The following FAM227B variants were observed in gnomAD, a reference collection of about 807,000 sequenced individuals.
FAM227B encodes the protein family with sequence similarity 227 member B, also known as protein FAM227B.
In FAM227B, 88 loss-of-function variants were observed where a neutral mutation model predicts 73.8. That is an observed-to-expected ratio of 1.19 (90% confidence interval 1.00 to 1.42). The LOEUF is 1.42. Among genes scored for constraint, FAM227B ranks in the 40% most tolerant of loss-of-function variants. FAM227B has a pLI of 0.00. For synonymous variants in FAM227B, 210 were observed against 190.5 expected (o/e 1.10, Z -0.84); for missense variants, 632 against 590.9 (o/e 1.07, Z -0.72).
chr15:49,422,665 G>T, intron 11 of FAM227B: 1 of 1,090,012 alleles, frequency 9.2e-7, no homozygotes, highest in Non-Finnish European at 1.4e-6. Context: ...AGTCATACTG[G>T]TCATTAGTGG....
At chr15:49,577,863 A>G (rs992995723) in intron 5 of FAM227B, among the ~76,000 whole-genome samples, 199 bp from the exon 6 acceptor site, 1 of 152,232 alleles carries the variant, frequency 6.6e-6, no homozygotes, top group Non-Finnish European at 1.5e-5. Context: ...TTATGGTTCA[A>G]AAACGGAATC....
chr15:49,436,378 T>C (rs941188813), intron 11 of FAM227B, among the ~76,000 whole-genome samples: 6 of 151,616 alleles, frequency 4.0e-5, no homozygotes, highest in African/African-American at 7.3e-5. Context: ...AGTTCATATA[T>C]AGAATCTTGC....
At chr15:49,493,888 A>ATATATATG (rs146161182) in intron 11 of FAM227B, among the ~76,000 whole-genome samples, 26,695 of 148,388 alleles carry the variant, frequency 0.18, 2,577 homozygotes, top group East Asian at 0.31. Context: ...ATATATATAT[A>ATATATATG]TGTGTGTGTG....
rs77590823 is a variant in FAM227B at position 49,607,327 on chromosome 15, C to T, written c.105+3888G>A. Among the ~76,000 whole-genome samples the T allele has an allele frequency of 2.1e-3, 324 of 152,128 alleles. 8 individuals are homozygous for T. In the East Asian group the frequency reaches 0.056, roughly 26 times the overall value. On this transcript the variant is annotated intron_variant, in intron 3 of 15. Transcript: ENST00000299338. ...CTGTAAATGTGTATCTTAAATAAGA[C>T]GCATAGCCACTTGGGAAAGTTTTCC...
chr15:49,617,514 A>G (rs1441972542), intron 1 of FAM227B, among the ~76,000 whole-genome samples: 1 of 152,236 alleles, frequency 6.6e-6, no homozygotes, highest in African/African-American at 2.4e-5. Flanking sequence ...GAATCAGAGG[A>G]TAAAAAAACA....
chr15:49,354,612 G>C (rs533110176), intron 13 of FAM227B, among the ~76,000 whole-genome samples: 2 of 152,184 alleles, frequency 1.3e-5, no homozygotes, highest in African/African-American at 4.8e-5. Flanking sequence ...ACGGAGTCTC[G>C]CTGATTGCTA....
At chr15:49,462,750 A>C (rs2053919142) in intron 11 of FAM227B, among the ~76,000 whole-genome samples, 1 of 152,238 alleles carries the variant, frequency 6.6e-6, no homozygotes, top group South Asian at 2.1e-4. Context: ...TTTGAAAGAT[A>C]AGATATGATA....
At chr15:49,360,685 C>T (rs1309100929) in intron 13 of FAM227B, among the ~76,000 whole-genome samples, 2 of 152,198 alleles carry the variant, frequency 1.3e-5, no homozygotes, top group South Asian at 2.1e-4. Context: ...AGTTTTTCTC[C>T]TGTTTTACTC....
At chr15:49,368,959 T>C (rs948736119) in intron 12 of FAM227B, among the ~76,000 whole-genome samples, 7 of 151,994 alleles carry the variant, frequency 4.6e-5, no homozygotes, top group Non-Finnish European at 1.0e-4. Flanking sequence ...TTTGTTTTGT[T>C]TTTGTTTGTT....
chr15:49,566,715 A>T lies in FAM227B; in HGVS notation c.747+1530T>A, dbSNP rs1253798017. The stretch of plus-strand genomic sequence containing the variant: ...GTGGCTCTCACACATAAATGCATGG[A>T]CAGGGAGTTTTAAAGGAAGACTTAG... On this transcript the variant is annotated intron_variant, in intron 9 of 15. Coordinates refer to ENST00000299338, the MANE Select transcript of FAM227B (RefSeq NM_152647.3). Among the ~76,000 whole-genome samples, 6 of 152,302 alleles carry T rather than the reference A, an allele frequency of 3.9e-5. No individual in the cohort carries two copies. In the East Asian group the frequency reaches 1.2e-3, roughly 29 times the overall value.
rs191170777 is a variant in FAM227B, at chr15:49,327,922, G to T, written c.*646C>A. On this transcript the variant is annotated 3_prime_UTR_variant, in exon 16 of 16. Coordinates refer to ENST00000299338, the MANE Select transcript of FAM227B (RefSeq NM_152647.3). ...AAATCCCTTGTATTTTCATTTATAG[G>T]TTCTAATATTTTTTTCCTCACTGTT... 3.8e-5 allele frequency: 61 copies of T among 1,590,832 alleles called. No homozygotes were observed. The African/African-American group carries it at 7.6e-4, about 20-fold the overall frequency.
intron 11 of FAM227B, among the ~76,000 whole-genome samples, chr15:49,430,183 T>C (rs1468173046): frequency 6.6e-6 from 1 of 151,922 alleles, no homozygotes; most frequent in East Asian, 1.9e-4. Context: ...GTAGCTACTA[T>C]GTTAAGAAGA....
At chr15:49,338,689 G>T (rs2040197555) in intron 13 of FAM227B, among the ~76,000 whole-genome samples, 1 of 152,140 alleles carries the variant, frequency 6.6e-6, no homozygotes, top group South Asian at 2.1e-4. Context: ...CTAGGTTGGG[G>T]AAGTTCTCCT....
Position 49,367,551 on chromosome 15 carries a change from G to A in FAM227B, c.1168C>T (p.Gln390Ter), listed in dbSNP as rs1448536115. ...AGATAATATAAAATCAATGGACTCTGACCTCCAAAATTGAAGAGAACACGA... is the reference window on the plus strand; with the variant it reads ...AGATAATATAAAATCAATGGACTCTAACCTCCAAAATTGAAGAGAACACGA... Reference protein sequence around the residue: ...FNRVLFNFGGQSPLILYYLKM... With the variant: ...FNRVLFNFGG The change falls in exon 13 of 16, where the codon CAG becomes TAG. Residue 390 changes from glutamine to a stop codon, truncating the protein, a stop_gained. Transcript: ENST00000299338. LOFTEE classifies it high-confidence loss of function. The A allele has an allele frequency of 2.5e-6, 4 of 1,605,812 alleles. No homozygotes were observed. The highest frequency in any genetic ancestry group is 1.7e-4 in the Middle Eastern group (1 of 6,046).
chr15:49,444,228 C>T lies in FAM227B; in HGVS notation c.1012+63983G>A, dbSNP rs112228907. Among the ~76,000 whole-genome samples the T allele has an allele frequency of 4.8e-3, 727 of 151,714 alleles. 5 individuals are homozygous for T. The highest frequency in any genetic ancestry group is 0.017 in the African/African-American group (696 of 41,456). The stretch of plus-strand genomic sequence containing the variant: ...TCTCCCTCATAAGGATTTATGATTG[C>T]TCTCAAGACAATGAAAAAACGGAGA... On this transcript the variant is annotated intron_variant, in intron 11 of 15. Coordinates refer to ENST00000299338, the MANE Select transcript of FAM227B (RefSeq NM_152647.3).
At chr15:49,526,646 T>C (rs1605480) in intron 10 of FAM227B, among the ~76,000 whole-genome samples, 106,610 of 151,848 alleles carry the variant, frequency 0.7, 37,734 homozygotes, top group East Asian at 0.92. Flanking sequence ...TGATAGACCA[T>C]TAGGTAGATT....
At chr15:49,537,058 T>A (rs2070379033) in intron 10 of FAM227B, among the ~76,000 whole-genome samples, 1 of 151,982 alleles carries the variant, frequency 6.6e-6, no homozygotes, top group Admixed American at 6.6e-5. Context: ...ATAGCAAAAA[T>A]AAGCAAATGG....
chr15:49,374,214 C>T (rs2046013984), intron 11 of FAM227B, among the ~76,000 whole-genome samples: 1 of 152,102 alleles, frequency 6.6e-6, no homozygotes, highest in Non-Finnish European at 1.5e-5. Context: ...ATACCTGAGA[C>T]CCAAGCCTGA....
chr15:49,487,083 C>T (rs957909254), intron 11 of FAM227B: 4 of 151,902 alleles, frequency 2.6e-5, no homozygotes, highest in African/African-American at 9.6e-5. Flanking sequence ...GAGATATAGC[C>T]TTTACATTTG....
Sources: gnomAD v4.1 joint callset for allele counts (sites outside exome capture counted in the v4.1 genomes callset) on GRCh38, gnomAD v4.1.1 for gene constraint, MANE v1.5 for transcripts, NCBI Gene and HGNC (gene_info 2026-07-23, HGNC 2026-07-21) for gene names.